KLHL8: variants seen among roughly 807,000 people sequenced by gnomAD.
KLHL8 encodes kelch-like protein 8.
KLHL8 carries 38 observed loss-of-function variants against 63.5 expected under a neutral mutation model. The ratio of observed to expected loss-of-function variants is 0.60; its 90% CI spans 0.46 to 0.78. The LOEUF is 0.78. KLHL8 is among the 30% of genes least tolerant of loss of function. The probability of loss-of-function intolerance (pLI) is 0.00; values close to 1 mark genes in which losing one functional copy is unlikely to be tolerated. For missense variants in KLHL8, 566 were observed against 752.4 expected (o/e 0.75, Z 2.90); for synonymous variants, 224 against 254.3 (o/e 0.88, Z 1.13).
intron 2 of KLHL8, among the ~76,000 whole-genome samples, chr4:87,193,520 A>G (rs1006573948): frequency 1.3e-5 from 2 of 152,150 alleles, no homozygotes; most frequent in African/African-American, 4.8e-5. Flanking sequence ...AACTTTCTGC[A>G]ATTTTTTTCT....
chr4:87,225,597 G>T (rs1042071383), upstream of KLHL8, among the ~76,000 whole-genome samples: 3 of 152,280 alleles, frequency 2.0e-5, no homozygotes, highest in African/African-American at 7.2e-5. Flanking sequence ...GACAGAATTT[G>T]AGTTAAAACT....
Position 87,185,519 on chromosome 4 carries a change from G to C in KLHL8, c.497C>G (p.Pro166Arg). 1 of 1,614,134 alleles carries C rather than the reference G, an allele frequency of 6.2e-7. No individual in the cohort carries two copies. Among genetic ancestry groups the C allele is most frequent in the African/African-American group, 1.3e-5 (1 of 75,016 alleles). Residue 166 changes from proline (P) to arginine (R), a missense_variant, in exon 3 of 10, where the codon CCC (proline) becomes CGC (arginine). Physicochemically the swap from Pro to Arg is moderately radical, Grantham distance 103 (BLOSUM62 -2). Transcript: ENST00000273963. ...GGCTCTTACTGCCAGGCAATTGGAG[G>C]GATGAAAATGTAACTTCATGTATTC... The part of the protein sequence containing the change: ...CCEYMKLHFH[P>R]SNCLAVRAFA...
Position 87,170,155 on chromosome 4 carries a change from C to T in KLHL8, c.1461G>A (p.Trp487Ter). The change falls in exon 8 of 10, where the codon TGG (tryptophan) becomes TGA (stop). Residue 487 changes from tryptophan (W) to a stop codon, truncating the protein, a stop_gained. Coordinates refer to ENST00000273963, the MANE Select transcript of KLHL8 (RefSeq NM_020803.5). LOFTEE classifies it high-confidence loss of function. ...GCTGACCCATTTCTTTAACTTCTATCCACTTATCCAGATGTGGATCATATC... is the reference window on the plus strand; with the variant it reads ...GCTGACCCATTTCTTTAACTTCTATTCACTTATCCAGATGTGGATCATATC... ...VERYDPHLDK[W>*]IEVKEMGQRR... The T allele has an allele frequency of 6.2e-7, 1 of 1,614,098 alleles. No individual in the cohort carries two copies. The highest frequency in any genetic ancestry group is 8.5e-7 in the Non-Finnish European group (1 of 1,179,968).
intron 2 of KLHL8, among the ~76,000 whole-genome samples, chr4:87,191,162 G>A (rs1435833079): frequency 6.6e-6 from 1 of 151,974 alleles, no homozygotes; most frequent in Non-Finnish European, 1.5e-5. Context: ...TGTATGTAAA[G>A]GGAAATATTT....
chr4:87,185,404 G>C lies in KLHL8; in HGVS notation c.612C>G (p.Asp204Glu), dbSNP rs1409256931. Residue 204 changes from aspartate (D) to glutamate (E), a missense_variant, in exon 3 of 10, where the codon GAC becomes GAG. Physicochemically the swap from Asp to Glu is conservative, Grantham distance 45. Transcript: ENST00000273963. ...GGTGCTGCGGTGATACACTTACAAA[G>C]TCTTCACACTCCACTACTTCAGTAA... ...DHFTEVVECEDFVSVSPQHLH... is the reference protein window; with the variant it reads ...DHFTEVVECEEFVSVSPQHLH... The C allele has an allele frequency of 6.2e-7, 1 of 1,614,144 alleles. No homozygotes were observed. Among genetic ancestry groups the C allele is most frequent in the Non-Finnish European group, 8.5e-7 (1 of 1,180,026 alleles).
At chr4:87,177,528 A>G (rs1183028035) in intron 5 of KLHL8, among the ~76,000 whole-genome samples, 2 of 140,674 alleles carry the variant, frequency 1.4e-5, no homozygotes, top group Non-Finnish European at 3.2e-5. Context: ...ACAAACAAAC[A>G]AACAAAAACT....
At chr4:87,200,564 C>A (rs1471441717) in intron 1 of KLHL8, among the ~76,000 whole-genome samples, 1 of 152,160 alleles carries the variant, frequency 6.6e-6, no homozygotes, top group Non-Finnish European at 1.5e-5. Context: ...TGTTCAATAT[C>A]ACTAATCATC....
intron 8 of KLHL8, among the ~76,000 whole-genome samples, chr4:87,168,795 C>T (rs144156165): frequency 0.042 from 2,123 of 50,006 alleles, 16 homozygotes; most frequent in South Asian, 0.091. Context: ...CGTATATATA[C>T]ACACATATAT....
intron 1 of KLHL8, among the ~76,000 whole-genome samples, chr4:87,202,618 A>T (rs1054668116): frequency 3.3e-5 from 5 of 152,198 alleles, no homozygotes; most frequent in Admixed American, 2.6e-4. Flanking sequence ...CAAAACCCAC[A>T]AACTACCAAA....
intron 1 of KLHL8, among the ~76,000 whole-genome samples, chr4:87,213,784 T>C: frequency 6.6e-6 from 1 of 152,204 alleles, no homozygotes; most frequent in East Asian, 1.9e-4. Context: ...CATTTTGCTA[T>C]TTAAAATTAT....
chr4:87,177,565 C>T (rs1283269085), intron 5 of KLHL8, among the ~76,000 whole-genome samples: 2 of 151,938 alleles, frequency 1.3e-5, no homozygotes, highest in African/African-American at 2.4e-5. Context: ...ACTGTGCACA[C>T]ACACACACAC....
chr4:87,170,558 A>C lies in KLHL8; in HGVS notation c.1266T>G (p.Asp422Glu). The C allele has an allele frequency of 6.2e-7, 1 of 1,614,076 alleles. No individual in the cohort carries two copies. The part of the protein sequence containing the change: ...GGPIYAIGGL[D>E]DNTCFNDVER... ...CCACATCATTGAAGCAAGTATTGTC[A>C]TCTAACCCTCCAATTGCATAAATTG... Residue 422 changes from aspartate (D) to glutamate (E), a missense_variant, in exon 7 of 10, where the codon GAT (aspartate) becomes GAG (glutamate). Coordinates refer to ENST00000273963, the MANE Select transcript of KLHL8 (RefSeq NM_020803.5).
intron 6 of KLHL8, among the ~76,000 whole-genome samples, chr4:87,173,073 C>A (rs1730692259): frequency 6.6e-6 from 1 of 152,158 alleles, no homozygotes; most frequent in Non-Finnish European, 1.5e-5. Context: ...CTACATTGGA[C>A]CACTTTCATG....
At chr4:87,234,927 A>G (rs774421739) in intron 1 of KLHL8, among the ~76,000 whole-genome samples, 2 of 152,160 alleles carry the variant, frequency 1.3e-5, no homozygotes, top group African/African-American at 4.8e-5. Context: ...CAACAGTTTA[A>G]AAAGAAAAGA....
At chr4:87,197,538 T>C (rs1731743982) in intron 1 of KLHL8, among the ~76,000 whole-genome samples, 1 of 152,198 alleles carries the variant, frequency 6.6e-6, no homozygotes, top group African/African-American at 2.4e-5. Context: ...ATTGCAGCCT[T>C]ATGAGATCCT....
intron 1 of KLHL8, among the ~76,000 whole-genome samples, chr4:87,200,770 C>T (rs1731890171): frequency 6.6e-6 from 1 of 152,144 alleles, no homozygotes; most frequent in East Asian, 1.9e-4. Flanking sequence ...CCATAAAATC[C>T]AGCAATTCCA....
intron 1 of KLHL8, among the ~76,000 whole-genome samples, chr4:87,215,526 G>C (rs945696125): frequency 6.6e-6 from 1 of 152,136 alleles, no homozygotes; most frequent in Middle Eastern, 3.2e-3. Flanking sequence ...GACATTACTT[G>C]ATGGACAGAT....
intron 8 of KLHL8, 112 bp from the exon 9 acceptor site, chr4:87,164,191 T>C (rs1214267987): frequency 6.0e-6 from 6 of 1,007,662 alleles, no homozygotes; most frequent in Non-Finnish European, 8.6e-6. Context: ...TAGAATGGTT[T>C]AGAGAAAATT....
chr4:87,214,788 A>T (rs1732536132), intron 1 of KLHL8, among the ~76,000 whole-genome samples: 1 of 145,874 alleles, frequency 6.9e-6, no homozygotes, highest in Non-Finnish European at 1.5e-5. Context: ...GAATTTTTAA[A>T]GGTTTTTTTT....
Sources: gnomAD v4.1 joint callset for allele counts (sites outside exome capture counted in the v4.1 genomes callset) on GRCh38, gnomAD v4.1.1 for gene constraint, MANE v1.5 for transcripts, NCBI Gene and HGNC (gene_info 2026-07-23, HGNC 2026-07-21) for gene names.